The following NRXN3 variants were observed in gnomAD, a reference collection of about 807,000 sequenced individuals.
NRXN3 encodes the protein neurexin 3, also known as neurexin III.
Under a neutral mutation model 137.6 loss-of-function variants are expected in NRXN3, and 32 were observed. The ratio of observed to expected loss-of-function variants is 0.23; its 90% CI spans 0.18 to 0.31. NRXN3 has a LOEUF of 0.31. NRXN3 is among the 10% of genes least tolerant of loss of function. NRXN3 has a pLI of 1.00. For synonymous variants in NRXN3, 798 were observed against 784.5 expected (o/e 1.02, Z -0.29); for missense variants, 1,574 against 2,062.5 (o/e 0.76, Z 4.59).
intron 10 of NRXN3, among the ~76,000 whole-genome samples, chr14:78,955,571 T>C (rs922671086): frequency 2.0e-5 from 3 of 152,190 alleles, no homozygotes; most frequent in African/African-American, 7.2e-5. Context: ...TTTGGTCCTT[T>C]AGGTTTCCTT....
chr14:78,277,341 G>T (rs2073752641), intron 2 of NRXN3, among the ~76,000 whole-genome samples: 1 of 152,182 alleles, frequency 6.6e-6, no homozygotes, highest in Non-Finnish European at 1.5e-5. Flanking sequence ...CGCTCACCCA[G>T]CTTCCCCATG....
intron 15 of NRXN3, among the ~76,000 whole-genome samples, chr14:79,360,167 A>C (rs530017152): frequency 6.6e-6 from 1 of 152,378 alleles, no homozygotes; most frequent in East Asian, 1.9e-4. Flanking sequence ...TTGTAACCGT[A>C]GCTTCCTCCC....
chr14:79,481,080 C>T (rs1018712719), intron 16 of NRXN3, among the ~76,000 whole-genome samples: 4 of 152,088 alleles, frequency 2.6e-5, no homozygotes, highest in African/African-American at 9.7e-5. Flanking sequence ...GTTCTAAGTG[C>T]TTGGGATCCA....
chr14:78,191,977 A>C (rs1289574856), intron 1 of NRXN3, among the ~76,000 whole-genome samples: 3 of 151,934 alleles, frequency 2.0e-5, no homozygotes, highest in Non-Finnish European at 4.4e-5. Flanking sequence ...GGACTGAGGT[A>C]CAAAATCCTG....
intron 7 of NRXN3, among the ~76,000 whole-genome samples, chr14:78,710,624 AGTCTCTATTTG>A (rs2098399091): frequency 6.6e-6 from 1 of 152,236 alleles, no homozygotes; most frequent in Non-Finnish European, 1.5e-5. Context: ...AACATTAAAA[AGTCTCTATTTG>A]GATATTTTCT....
chr14:79,065,149 A>T (rs569357111), intron 15 of NRXN3, among the ~76,000 whole-genome samples: 1 of 152,020 alleles, frequency 6.6e-6, no homozygotes, highest in East Asian at 1.9e-4. Context: ...TTACTTACAT[A>T]GTACAGTGTA....
At chr14:78,981,758 A>G (rs1430929630) in intron 14 of NRXN3, among the ~76,000 whole-genome samples, 4 of 152,200 alleles carry the variant, frequency 2.6e-5, no homozygotes, top group African/African-American at 7.2e-5. Flanking sequence ...TTTTATATCA[A>G]TAGATGTTTA....
At chr14:78,359,640 G>A (rs2084825351) in intron 4 of NRXN3, among the ~76,000 whole-genome samples, 1 of 152,162 alleles carries the variant, frequency 6.6e-6, no homozygotes, top group South Asian at 2.1e-4. Context: ...ATCAAGCAAA[G>A]CCCAGGAGGG....
At chr14:78,305,020 A>G (rs74067703) in intron 4 of NRXN3, among the ~76,000 whole-genome samples, 4,979 of 152,304 alleles carry the variant, frequency 0.033, 136 homozygotes, top group African/African-American at 0.071. Flanking sequence ...GCTTGAGAAG[A>G]CAGGAGGAGA....
chr14:78,701,392 C>T (rs1348037516), intron 6 of NRXN3, among the ~76,000 whole-genome samples: 1 of 152,238 alleles, frequency 6.6e-6, no homozygotes, highest in Non-Finnish European at 1.5e-5. Context: ...TTTGGGCTTG[C>T]ACTCATGGCT....
At chr14:78,404,090 G>A (rs1262534356) in intron 4 of NRXN3, among the ~76,000 whole-genome samples, 1 of 152,068 alleles carries the variant, frequency 6.6e-6, no homozygotes, top group African/African-American at 2.4e-5. Flanking sequence ...GGGGACTCAG[G>A]CATTTTTCTC....
At chr14:78,896,473 G>A (rs1384576273) in intron 10 of NRXN3, among the ~76,000 whole-genome samples, 1 of 151,740 alleles carries the variant, frequency 6.6e-6, no homozygotes, top group Admixed American at 6.6e-5. Flanking sequence ...ATGCGTCCTA[G>A]TATATTCAGC....
intron 2 of NRXN3, among the ~76,000 whole-genome samples, chr14:78,278,207 T>C (rs1567151035): frequency 6.6e-6 from 1 of 152,240 alleles, no homozygotes; most frequent in Non-Finnish European, 1.5e-5. Flanking sequence ...ACTTTTTCTC[T>C]CTGCTGGGAA....
chr14:78,719,349 C>G (rs1023804804), intron 8 of NRXN3, among the ~76,000 whole-genome samples: 1 of 152,218 alleles, frequency 6.6e-6, no homozygotes, highest in Admixed American at 6.5e-5. Flanking sequence ...GAAAGGCATG[C>G]AGGCAGCAGC....
chr14:78,752,759 G>T (rs1240686453), intron 8 of NRXN3, among the ~76,000 whole-genome samples: 1 of 152,182 alleles, frequency 6.6e-6, no homozygotes, highest in African/African-American at 2.4e-5. Flanking sequence ...TGCAATGTGG[G>T]GCCTGACCAG....
At chr14:79,544,140 G>T (rs183488960) in intron 16 of NRXN3, among the ~76,000 whole-genome samples, 14 of 152,316 alleles carry the variant, frequency 9.2e-5, no homozygotes, top group Non-Finnish European at 1.8e-4. Flanking sequence ...CCATGGGGCT[G>T]GCTGGGGCAA....
intron 4 of NRXN3, among the ~76,000 whole-genome samples, chr14:78,556,851 CTCTCCTCTCCTCTCT>C (rs2096741588): frequency 6.7e-6 from 1 of 150,344 alleles, no homozygotes; most frequent in Non-Finnish European, 1.5e-5. Context: ...TCTAGGAGAC[CTCTCCTCTCCTCTCT>C]TCTCCTCTCC....
Position 78,967,315 on chromosome 14 carries a change from A to G in NRXN3, c.2885A>G (p.Asp962Gly), listed in dbSNP as rs769964595. The G allele has an allele frequency of 2.5e-6, 4 of 1,613,898 alleles. No homozygotes were observed. The highest frequency in any genetic ancestry group is 2.7e-5 in the African/African-American group (2 of 74,884). The change falls in exon 13 of 21, where the codon GAC becomes GGC. Residue 962 changes from aspartate (D) to glycine (G), a missense_variant. By Grantham distance (94) the Asp-to-Gly change is moderately conservative. Transcript: ENST00000335750. ...TGGCACAATGTCGTCATCACTCGGG[A>G]CAATAGTAACACTCATAGCCTGAAA... ...NQWHNVVITR[D>G]NSNTHSLKVD...
chr14:79,442,087 C>A (rs1056055122), intron 15 of NRXN3, among the ~76,000 whole-genome samples: 1 of 152,094 alleles, frequency 6.6e-6, no homozygotes, highest in African/African-American at 2.4e-5. Context: ...TTAGATACTT[C>A]ATTAATTATT....
Sources: gnomAD v4.1 joint callset for allele counts (sites outside exome capture counted in the v4.1 genomes callset) on GRCh38, gnomAD v4.1.1 for gene constraint, MANE v1.5 for transcripts, NCBI Gene and HGNC (gene_info 2026-07-23, HGNC 2026-07-21) for gene names.